AP3M2: variants seen among roughly 807,000 people sequenced by gnomAD.
The protein encoded by AP3M2 is AP-3 complex subunit mu-2.
In AP3M2, 28 loss-of-function variants were observed where a neutral mutation model predicts 41.6. That is an observed-to-expected ratio of 0.67 (90% CI 0.50 to 0.92). The LOEUF (loss-of-function observed/expected upper bound fraction) is 0.92, where lower values mean the gene tolerates loss of function less well. AP3M2 is among the 40% of genes least tolerant of loss of function. The pLI, the probability that AP3M2 is intolerant of heterozygous loss-of-function variation, is 0.00. For missense variants in AP3M2, 427 were observed against 521.4 expected (o/e 0.82, Z 1.76); for synonymous variants, 193 against 186.4 (o/e 1.04, Z -0.29).
At position 42,169,624 on chromosome 8, in the gene AP3M2, G is replaced by C. The variant is rs1218275785; in HGVS notation, c.*563G>C. The C allele has an allele frequency of 6.6e-6, 1 of 152,062 alleles. No individual in the cohort carries two copies. Among genetic ancestry groups the C allele is most frequent in the African/African-American group, 2.4e-5 (1 of 41,400 alleles). The allele number at this position is 152,062 out of a possible 1,614,324, so 9.4% of individuals were successfully genotyped here. On this transcript the variant is annotated 3_prime_UTR_variant, in exon 9 of 9. Coordinates refer to ENST00000396926, the MANE Select transcript of AP3M2 (RefSeq NM_006803.4). ...GGGATGGGAAGGAAAGAGTTGAGTT[G>C]GTTTCTTTCTGATTCCTCTACTCAT...
At position 42,167,826 on chromosome 8, in the gene AP3M2, C is replaced by T. The variant is rs1804682924; in HGVS notation, c.1156+16C>T. On this transcript the variant is annotated intron_variant, in intron 8 of 8. Transcript: ENST00000396926. ...GCCATTTCTGGTAAGTGACCCAGAG[C>T]TCAAGAGGCTCCAAAGGGAACAAAA... is the stretch of plus-strand genomic sequence containing the variant. The T allele has an allele frequency of 6.2e-7, 1 of 1,603,922 alleles. No individual in the cohort carries two copies. Among genetic ancestry groups the T allele is most frequent in the African/African-American group, 1.3e-5 (1 of 74,112 alleles).
intron 8 of AP3M2, 138 bp from the exon 9 acceptor site, chr8:42,168,823 C>T: frequency 1.7e-6 from 1 of 577,704 alleles, no homozygotes. Flanking sequence ...CTGGAGAATC[C>T]ATCTGCTCTG....
chr8:42,165,255 T>G, intron 5 of AP3M2, 99 bp downstream of exon 5: 3 of 1,451,722 alleles, frequency 2.1e-6, no homozygotes, highest in Non-Finnish European at 2.8e-6. Context: ...AAGAAATAAT[T>G]AGGACAGCCA....
rs1157826488 is a variant in AP3M2 at position 42,159,353 on chromosome 8, A to G, written c.445+1241A>G. On this transcript the variant is annotated intron_variant, in intron 3 of 8. Coordinates refer to ENST00000396926, the MANE Select transcript of AP3M2 (RefSeq NM_006803.4). ...GTTAGGCCAATTTATACTTTCAGTA[A>G]CAATTTCAAAGCACTGTAGTGAACC... Among the ~76,000 whole-genome samples the G allele has an allele frequency of 2.6e-5, 4 of 152,348 alleles. No individual in the cohort carries two copies. The South Asian group carries it at 8.3e-4, about 32-fold the overall frequency.
intron 7 of AP3M2, 107 bp downstream of exon 7, chr8:42,167,478 G>A: frequency 7.0e-7 from 1 of 1,429,514 alleles, no homozygotes; most frequent in Middle Eastern, 1.9e-4. Flanking sequence ...TGAGTCAAAG[G>A]GACCTTGTTT....
At chr8:42,156,016 C>T (rs1406531597) in intron 2 of AP3M2, 1 of 451,800 alleles carries the variant, frequency 2.2e-6, no homozygotes, top group Non-Finnish European at 4.4e-6. Flanking sequence ...ATGCAACATA[C>T]CGGCCCCTTT....
rs760422293 is a variant in AP3M2 at position 42,154,660 on chromosome 8, C to T, written c.-28C>T. The T allele has an allele frequency of 3.7e-6, 6 of 1,608,886 alleles. No individual in the cohort carries two copies. The highest frequency in any genetic ancestry group is 4.5e-5 in the East Asian group (2 of 44,820). On this transcript the variant is annotated 5_prime_UTR_variant, in exon 2 of 9. Transcript: ENST00000396926. Reference sequence around the variant, plus strand: ...CCTGAGGCTTTCAGACTGAAAAAGGCTTTCTTCTGTCACTGACAATCGCCA... The same window carrying T: ...CCTGAGGCTTTCAGACTGAAAAAGGTTTTCTTCTGTCACTGACAATCGCCA...
intron 3 of AP3M2, among the ~76,000 whole-genome samples, chr8:42,160,191 A>G (rs2150958372): frequency 6.6e-6 from 1 of 152,338 alleles, no homozygotes; most frequent in South Asian, 2.1e-4. Flanking sequence ...CAGATATTCC[A>G]AAATTTAAAA....
Position 42,167,804 on chromosome 8 carries a change from A to G in AP3M2, c.1150A>G (p.Ile384Val), listed in dbSNP as rs984962856. The G allele has an allele frequency of 6.2e-7, 1 of 1,611,718 alleles. No individual in the cohort carries two copies. The highest frequency in any genetic ancestry group is 2.2e-5 in the East Asian group (1 of 44,864). The change falls in exon 8 of 9, where the codon ATT becomes GTT. Residue 384 changes from isoleucine to valine, a missense_variant. By Grantham distance (29) the Ile-to-Val change is conservative. Coordinates refer to ENST00000396926, the MANE Select transcript of AP3M2 (RefSeq NM_006803.4). ...GCAGTTTAAGATCCAGCAGCTGGCC[A>G]TTTCTGGTAAGTGACCCAGAGCTCA... The part of the protein sequence containing the change: ...NLQFKIQQLA[I>V]SGLKVNRLDM...
rs931035096 is a variant in AP3M2 at position 42,170,978 on chromosome 8, C to A, written c.*1917C>A. 3.9e-5 allele frequency: 6 copies of A among 152,222 alleles called. No homozygotes were observed. The highest frequency in any genetic ancestry group is 7.3e-5 in the Non-Finnish European group (5 of 68,050). The allele number at this position is 152,222 out of a possible 1,614,324, so 9.4% of individuals were successfully genotyped here. A position where few individuals can be genotyped will look rare whatever the true frequency, so the allele number is the denominator to read the frequency against. ...TATAGAGTGTTTCTAGGGTAAGGGA[C>A]CTGCAGGTGTAAGCATAGATGAAAT... On this transcript the variant is annotated 3_prime_UTR_variant, in exon 9 of 9. Coordinates refer to ENST00000396926, the MANE Select transcript of AP3M2 (RefSeq NM_006803.4).
rs1192608321 is a variant in AP3M2 at position 42,157,985 on chromosome 8, A to C, written c.318A>C (p.Val106=). The C allele has an allele frequency of 1.9e-6, 3 of 1,614,224 alleles. No individual in the cohort carries two copies. The highest frequency in any genetic ancestry group is 1.7e-5 in the Admixed American group (1 of 60,028). ...CAGAGCCAGTGATCAAAGACAATGT[A>C]GTTGTGGTTTATGAGGTATTGGAAG... The part of the protein sequence containing the change: ...VCSEPVIKDN[V]VVVYEVLEEM... The change falls in exon 3 of 9, where the codon GTA becomes GTC. Residue 106 remains valine (V), a synonymous_variant. Coordinates refer to ENST00000396926, the MANE Select transcript of AP3M2 (RefSeq NM_006803.4).
At chr8:42,158,324 C>G (rs140388833) in intron 3 of AP3M2, among the ~76,000 whole-genome samples, 6,330 of 151,432 alleles carry the variant, frequency 0.042, 231 homozygotes, top group Non-Finnish European at 0.056. Flanking sequence ...TCTTGGCTCA[C>G]TGCAACCTCC....
In AP3M2 at chr8:42,157,936, A is replaced by C; in HGVS notation, c.274-5A>C. On this transcript the variant is annotated splice_polypyrimidine_tract_variant and splice_region_variant and intron_variant, in intron 2 of 8. Transcript: ENST00000396926. ...TGATCAATGTGTATATTCTGTCTCC[A>C]TCAGGATTATTTTGGAGTCTGTTCA... The C allele has an allele frequency of 1.2e-6, 2 of 1,610,260 alleles. No individual in the cohort carries two copies. The highest frequency in any genetic ancestry group is 1.7e-6 in the Non-Finnish European group (2 of 1,176,736).
At position 42,167,290 on chromosome 8, in the gene AP3M2, C is replaced by T. The variant is rs775824076; in HGVS notation, c.930C>T (p.Val310=). ...GGAAGACCATTGAGGGAGTGACTGT[C>T]ACCAGCCAGATGCCCAAGGGGGTCC... The part of the protein sequence containing the change: ...TMGKTIEGVT[V]TSQMPKGVLN... Residue 310 remains valine, a synonymous_variant, in exon 7 of 9, where the codon GTC becomes GTT. Coordinates refer to ENST00000396926, the MANE Select transcript of AP3M2 (RefSeq NM_006803.4). 4 of 1,614,138 alleles carry T rather than the reference C, an allele frequency of 2.5e-6. No homozygotes were observed. Among genetic ancestry groups the T allele is most frequent in the African/African-American group, 1.3e-5 (1 of 75,028 alleles).
chr8:42,157,322 C>A (rs57807936), intron 2 of AP3M2, among the ~76,000 whole-genome samples: 153 of 152,292 alleles, frequency 1.0e-3, no homozygotes, highest in African/African-American at 3.5e-3. Flanking sequence ...CTACAAATGA[C>A]AAAATTATAA....
intron 2 of AP3M2, among the ~76,000 whole-genome samples, chr8:42,157,259 T>C (rs1156342431): frequency 6.6e-6 from 1 of 152,248 alleles, no homozygotes; most frequent in Non-Finnish European, 1.5e-5. Flanking sequence ...AGTGGTGTTA[T>C]CCTGATTATA....
intron 1 of AP3M2, 44 bp downstream of exon 1, chr8:42,153,149 T>TG (rs1301446253): frequency 7.0e-6 from 1 of 143,104 alleles, no homozygotes; most frequent in Non-Finnish European, 1.5e-5. Context: ...GGGGCAGGAG[T>TG]GGGGGCGCGC....
intron 5 of AP3M2, 110 bp from the exon 6 acceptor site, chr8:42,165,313 CTGTG>C (rs150897190): frequency 1.1e-5 from 16 of 1,401,816 alleles, no homozygotes; most frequent in African/African-American, 1.4e-5. Flanking sequence ...TACATGATTT[CTGTG>C]TGTGTGTGTG....
intron 8 of AP3M2, chr8:42,168,069 T>C: frequency 1.7e-6 from 1 of 578,838 alleles, no homozygotes. Flanking sequence ...GAAGGAAGTA[T>C]TCACTAGCCA....
Sources: allele counts gnomAD v4.1 joint callset (sites outside exome capture counted in the v4.1 genomes callset), GRCh38; gene constraint gnomAD v4.1.1; transcripts MANE v1.5; gene names NCBI Gene and HGNC (gene_info 2026-07-23, HGNC 2026-07-21).